Variants in THSD7A observed in about 807,000 individuals in gnomAD.
THSD7A encodes the protein thrombospondin type 1 domain containing 7A, also known as thrombospondin type-1 domain-containing protein 7A.
A neutral mutation model predicts 231.3 loss-of-function variants in THSD7A; 96 were observed. The observed-to-expected ratio is 0.41, with a 90% CI of 0.35 to 0.49. The LOEUF (loss-of-function observed/expected upper bound fraction) is 0.49. Ranked by LOEUF, THSD7A falls within the 20% of genes least tolerant of loss-of-function variation. The pLI, the probability that THSD7A is intolerant of heterozygous loss-of-function variation, is 0.05. For missense variants in THSD7A, 2,290 were observed against 2,070.2 expected (o/e 1.11, Z -2.06); for synonymous variants, 940 against 743.3 (o/e 1.26, Z -4.30).
chr7:11,645,827 A>G (rs879737804), intron 1 of THSD7A, among the ~76,000 whole-genome samples: 1 of 151,938 alleles, frequency 6.6e-6, no homozygotes, highest in Admixed American at 6.6e-5. Context: ...TACTCTGTCC[A>G]GTAGTTCAAT....
chr7:11,534,336 A>C (rs778744520), intron 6 of THSD7A, among the ~76,000 whole-genome samples: 9 of 152,178 alleles, frequency 5.9e-5, no homozygotes, highest in Non-Finnish European at 8.8e-5. Context: ...AATGTGGACG[A>C]AGTGATATTG....
At chr7:11,490,916 C>A (rs1034141443) in intron 6 of THSD7A, among the ~76,000 whole-genome samples, 4 of 152,024 alleles carry the variant, frequency 2.6e-5, no homozygotes, top group African/African-American at 9.7e-5. Flanking sequence ...TTTATTGGCA[C>A]ATAAAGTTTG....
intron 1 of THSD7A, among the ~76,000 whole-genome samples, chr7:11,710,099 T>TA (rs527947564): frequency 1.0e-3 from 152 of 150,542 alleles, no homozygotes; most frequent in Middle Eastern, 3.4e-3. Context: ...TATTTTTTTT[T>TA]AAAAAATGAG....
intron 4 of THSD7A, among the ~76,000 whole-genome samples, chr7:11,576,782 A>G (rs1326846471): frequency 6.6e-6 from 1 of 152,210 alleles, no homozygotes; most frequent in East Asian, 1.9e-4. Context: ...AAGGGCTTAC[A>G]TTATACTTTT....
rs1441104738 is a variant in THSD7A at position 11,376,670 on chromosome 7, G to A, written c.4802-13C>T. Reference sequence around the variant, plus strand: ...TTTAGTCTCCCATCTAAGAAGAATGGATATTAGTTATTAATTTACATTAGT... The same window carrying A: ...TTTAGTCTCCCATCTAAGAAGAATGAATATTAGTTATTAATTTACATTAGT... On this transcript the variant is annotated splice_polypyrimidine_tract_variant and intron_variant, in intron 26 of 27. Coordinates refer to ENST00000423059, the MANE Select transcript of THSD7A (RefSeq NM_015204.3). 12 of 1,544,606 alleles carry A rather than the reference G, an allele frequency of 7.8e-6. 1 individual carries two copies. In the South Asian group the frequency reaches 1.4e-4, roughly 18 times the overall value.
chr7:11,594,685 CAG>C (rs978335756), intron 2 of THSD7A, among the ~76,000 whole-genome samples: 6 of 152,124 alleles, frequency 3.9e-5, no homozygotes, highest in African/African-American at 1.2e-4. Context: ...ATGATAAACT[CAG>C]GGATTCTAAC....
chr7:11,546,679 ATGACTGCACTAGT>A (rs1789413698), intron 4 of THSD7A, among the ~76,000 whole-genome samples: 1 of 152,182 alleles, frequency 6.6e-6, no homozygotes, highest in African/African-American at 2.4e-5. Flanking sequence ...TTACATTCAA[ATGACTGCACTAGT>A]TCCCCAGCAC....
chr7:11,812,889 G>A (rs906805602), intron 1 of THSD7A, among the ~76,000 whole-genome samples: 5 of 152,072 alleles, frequency 3.3e-5, no homozygotes, highest in African/African-American at 1.2e-4. Flanking sequence ...CTTAACTTCA[G>A]GTACCTGAGT....
At chr7:11,486,393 G>A (rs1786659503) in intron 6 of THSD7A, among the ~76,000 whole-genome samples, 1 of 152,162 alleles carries the variant, frequency 6.6e-6, no homozygotes, top group Non-Finnish European at 1.5e-5. Flanking sequence ...TGGAAGTTTT[G>A]CTGCCTAGCA....
rs141662404 is a variant in THSD7A, at chr7:11,636,277, T to C, written c.875A>G (p.Lys292Arg). Reference protein sequence around the residue: ...EREKDRSKGVKDPEARELIKK... With the variant: ...EREKDRSKGVRDPEARELIKK... ...AATAAGCTCGCGGGCTTCTGGATCC[T>C]TTACTCCTTTGCTGCGGTCCTTTTC... Residue 292 changes from lysine (K) to arginine (R), a missense_variant, in exon 2 of 28, where the codon AAG becomes AGG. Physicochemically the swap from Lys to Arg is conservative, Grantham distance 26. Coordinates refer to ENST00000423059, the MANE Select transcript of THSD7A (RefSeq NM_015204.3). The surrounding 1 kb of genome is among the most constrained non-coding windows in gnomAD (Gnocchi z 10.0). The C allele has an allele frequency of 6.6e-4, 1,069 of 1,614,030 alleles. 7 individuals carry two copies. The African/African-American group carries it at 0.013, about 19-fold the overall frequency.
At chr7:11,383,900 A>T (rs1368270839) in intron 23 of THSD7A, 1 of 152,114 alleles carries the variant, frequency 6.6e-6, no homozygotes, top group Admixed American at 6.6e-5. Context: ...CTTTGCAACT[A>T]CAATCTGTGT....
At chr7:11,820,058 A>G (rs1270705366) in intron 1 of THSD7A, among the ~76,000 whole-genome samples, 1 of 152,056 alleles carries the variant, frequency 6.6e-6, no homozygotes. Context: ...CCAGTAACAG[A>G]TGAGAAAAAC....
chr7:11,541,143 C>T (rs2074606), intron 6 of THSD7A, among the ~76,000 whole-genome samples: 24,374 of 151,926 alleles, frequency 0.16, 1,994 homozygotes, highest in Admixed American at 0.18. Context: ...CAATTATTGC[C>T]CTAATGATAA....
At chr7:11,490,453 T>C (rs139912793) in intron 6 of THSD7A, among the ~76,000 whole-genome samples, 38 of 152,184 alleles carry the variant, frequency 2.5e-4, no homozygotes, top group African/African-American at 8.7e-4. Context: ...TCACTTGAGG[T>C]TAGACAGACA....
At chr7:11,537,630 C>T (rs1018976671) in intron 6 of THSD7A, among the ~76,000 whole-genome samples, 1 of 131,126 alleles carries the variant, frequency 7.6e-6, no homozygotes, top group African/African-American at 3.2e-5. Context: ...GCTTCCTGTA[C>T]AGCGCCATGC....
intron 6 of THSD7A, among the ~76,000 whole-genome samples, chr7:11,500,888 C>T (rs1006854771): frequency 2.0e-5 from 3 of 150,262 alleles, no homozygotes; most frequent in Non-Finnish European, 4.4e-5. Flanking sequence ...GAGCTGAGAT[C>T]GCACCACTGC....
chr7:11,406,224 T>C lies in THSD7A; in HGVS notation c.4237+76A>G. ...ACTGTTGACATCCTGTAACTTATAC[T>C]TTATATGCAACCCCTTCACGGCCCT... On this transcript the variant is annotated intron_variant, in intron 22 of 27. Transcript: ENST00000423059. This position sits in a 1 kb window ranked among gnomAD's most constrained non-coding sequence, Gnocchi z 4.7. The C allele has an allele frequency of 7.0e-7, 1 of 1,428,408 alleles. No individual in the cohort carries two copies. Among genetic ancestry groups the C allele is most frequent in the Non-Finnish European group, 9.5e-7 (1 of 1,050,366 alleles). 88.5% of individuals were successfully genotyped at this position (1,428,408 alleles called of 1,614,324 possible).
chr7:11,488,410 A>G (rs1326145421), intron 6 of THSD7A, among the ~76,000 whole-genome samples: 2 of 152,128 alleles, frequency 1.3e-5, no homozygotes, highest in African/African-American at 2.4e-5. Context: ...TCTAACAACC[A>G]TAAGGTATGT....
rs1290098107 is a variant in THSD7A, at chr7:11,437,668, A to G, written c.3064+8393T>C. ...TAGGACTCCATTTCAGCTTGTTTACAAGACTCTATTTATTGCTTTTTCTGC... is the reference window on the plus strand; with the variant it reads ...TAGGACTCCATTTCAGCTTGTTTACGAGACTCTATTTATTGCTTTTTCTGC... On this transcript the variant is annotated intron_variant, in intron 13 of 27. Coordinates refer to ENST00000423059, the MANE Select transcript of THSD7A (RefSeq NM_015204.3). Among the ~76,000 whole-genome samples, 27 of 152,052 alleles carry G rather than the reference A, an allele frequency of 1.8e-4. 1 individual carries two copies. Among genetic ancestry groups the G allele is most frequent in the Admixed American group, 1.8e-3 (27 of 15,228 alleles).
Sources: gnomAD v4.1 joint callset for allele counts (sites outside exome capture counted in the v4.1 genomes callset) on GRCh38, gnomAD v4.1.1 for gene constraint, Gnocchi (gnomAD v3.1) non-coding constraint, MANE v1.5 for transcripts, NCBI Gene and HGNC (gene_info 2026-07-23, HGNC 2026-07-21) for gene names.